COQ5: variants seen among roughly 807,000 people sequenced by gnomAD.
The protein encoded by COQ5 is coenzyme Q5, methyltransferase.
Under a neutral mutation model 40.5 loss-of-function variants are expected in COQ5, and 27 were observed. That is an observed-to-expected ratio of 0.67 (90% confidence interval 0.49 to 0.92). The LOEUF (loss-of-function observed/expected upper bound fraction) is 0.92, where lower values mean the gene tolerates loss of function less well. COQ5 is among the 40% of genes least tolerant of loss of function. The pLI is 0.00. For synonymous variants in COQ5, 141 were observed against 150.0 expected (o/e 0.94, Z 0.44); for missense variants, 409 against 406.4 (o/e 1.01, Z -0.06).
At chr12:120,513,395 C>T (rs377543218) in intron 3 of COQ5, among the ~76,000 whole-genome samples, 4 of 149,866 alleles carry the variant, frequency 2.7e-5, no homozygotes, top group East Asian at 2.1e-4. Context: ...CCAGCTGCTG[C>T]GGAGGCTGAG....
intron 2 of COQ5, among the ~76,000 whole-genome samples, chr12:120,521,488 C>T (rs920282862): frequency 6.6e-6 from 1 of 150,556 alleles, no homozygotes; most frequent in Non-Finnish European, 1.5e-5. Context: ...CCAGCCAGGC[C>T]AAGATGGTGG....
chr12:120,518,426 CAAAA>C (rs1216184668), intron 2 of COQ5, among the ~76,000 whole-genome samples: 4 of 71,476 alleles, frequency 5.6e-5, no homozygotes, highest in East Asian at 4.7e-4. Flanking sequence ...AGACCGTTTC[CAAAA>C]AAAAAAAAAA....
In COQ5 at chr12:120,529,018, G is replaced by A; in HGVS notation, c.124C>T (p.Leu42Phe). Residue 42 changes from leucine (L) to phenylalanine (F), a missense_variant, in exon 1 of 7, where the codon CTC becomes TTC. Coordinates refer to ENST00000288532, the MANE Select transcript of COQ5 (RefSeq NM_032314.4). Reference protein sequence around the residue: ...SWPGDLLSARLLSQEKRAAET... With the variant: ...SWPGDLLSARFLSQEKRAAET... ...GCTGCCCGCTTCTCTTGGGACAAGA[G>A]CCGAGCACTTAGTAGGTCCCCGGGC... 4 of 1,614,056 alleles carry A rather than the reference G, an allele frequency of 2.5e-6. No individual in the cohort carries two copies. The highest frequency in any genetic ancestry group is 3.4e-6 in the Non-Finnish European group (4 of 1,180,030).
At chr12:120,513,501 C>CAA (rs553219611) in intron 3 of COQ5, among the ~76,000 whole-genome samples, 6 of 62,050 alleles carry the variant, frequency 9.7e-5, no homozygotes, top group Admixed American at 1.8e-4. Context: ...GACTCCGTCT[C>CAA]AAAAAAAAAA....
chr12:120,522,922 T>C, intron 1 of COQ5: 1 of 689,464 alleles, frequency 1.5e-6, no homozygotes, highest in Admixed American at 2.1e-5. Context: ...GCACGTGCAC[T>C]CGTGGCCCTG....
chr12:120,521,601 G>A (rs189523960), intron 2 of COQ5, among the ~76,000 whole-genome samples: 5 of 151,540 alleles, frequency 3.3e-5, no homozygotes, highest in Admixed American at 2.6e-4. Flanking sequence ...CTTGAACCCC[G>A]GAGGTGGAGG....
intron 1 of COQ5, chr12:120,523,982 C>T: frequency 2.8e-6 from 1 of 361,112 alleles, no homozygotes; most frequent in African/African-American, 2.2e-5. Context: ...TGCATTCCAG[C>T]CTGGGCGACA....
At chr12:120,523,500 G>T in intron 1 of COQ5, 1 of 266,882 alleles carries the variant, frequency 3.7e-6, no homozygotes, top group South Asian at 4.3e-5. Flanking sequence ...AGTCGTGGAT[G>T]GCATCACATT....
At chr12:120,515,020 G>T (rs1014015953) in intron 3 of COQ5, among the ~76,000 whole-genome samples, 2 of 151,992 alleles carry the variant, frequency 1.3e-5, no homozygotes, top group Admixed American at 1.3e-4. Flanking sequence ...TCGAACTCCA[G>T]ACCTCAGGGG....
At chr12:120,515,040 C>T (rs138346410) in intron 3 of COQ5, among the ~76,000 whole-genome samples, 3 of 152,062 alleles carry the variant, frequency 2.0e-5, no homozygotes, top group Admixed American at 6.6e-5. Flanking sequence ...GATCCACCCC[C>T]CCTCGGCCTC....
chr12:120,523,503 A>T (rs1269830495), intron 1 of COQ5: 6 of 263,188 alleles, frequency 2.3e-5, no homozygotes, highest in Non-Finnish European at 4.4e-5. Flanking sequence ...CGTGGATGGC[A>T]TCACATTACC....
In COQ5 at chr12:120,521,993, A is replaced by G. The variant is rs1869683520; in HGVS notation, c.352+221T>C. ...GCCTGGGCGACAGAGTGAGACTCCT[A>G]TCTCAAAAAAAAAAAAGTGACAGGC... On this transcript the variant is annotated intron_variant, in intron 2 of 6. Coordinates refer to ENST00000288532, the MANE Select transcript of COQ5 (RefSeq NM_032314.4). 2.0e-5 allele frequency among the ~76,000 whole-genome samples: 3 copies of G among 152,066 alleles called. No homozygotes were observed. In the South Asian group the frequency reaches 6.2e-4, roughly 32 times the overall value.
chr12:120,520,109 T>C (rs368060969), intron 2 of COQ5, among the ~76,000 whole-genome samples: 1 of 151,422 alleles, frequency 6.6e-6, no homozygotes, highest in Non-Finnish European at 1.5e-5. Context: ...TATTACATTA[T>C]ATATTATTCT....
chr12:120,527,093 C>G (rs1488200736), intron 1 of COQ5: 1 of 150,242 alleles, frequency 6.7e-6, no homozygotes, highest in East Asian at 2.0e-4. Context: ...AATTTTTTTT[C>G]TTTGTTTTTG....
At chr12:120,506,596 A>C (rs1463890441) in intron 4 of COQ5, among the ~76,000 whole-genome samples, 2 of 151,900 alleles carry the variant, frequency 1.3e-5, no homozygotes, top group Non-Finnish European at 2.9e-5. Context: ...TGAACTAGAG[A>C]CTTCAGGTGA....
Position 120,528,946 on chromosome 12 carries a change from C to T in COQ5, c.196G>A (p.Gly66Ser). The change falls in exon 1 of 7, where the codon GGC becomes AGC. Residue 66 changes from glycine to serine, a missense_variant. By Grantham distance (56) the Gly-to-Ser change is moderately conservative. Coordinates refer to ENST00000288532, the MANE Select transcript of COQ5 (RefSeq NM_032314.4). Reference sequence around the variant, plus strand: ...GCCCTCTCGCCCCTTTCACCTTTGCCCCCCTTCTCCTCTTCCGACACAGTC... The same window carrying T: ...GCCCTCTCGCCCCTTTCACCTTTGCTCCCCTTCTCCTCTTCCGACACAGTC... Reference protein sequence around the residue: ...FETVSEEEKGGKVYQVFESVA... With the variant: ...FETVSEEEKGSKVYQVFESVA... 1.2e-6 allele frequency: 2 copies of T among 1,614,130 alleles called. No individual in the cohort carries two copies. The highest frequency in any genetic ancestry group is 4.5e-5 in the East Asian group (2 of 44,890).
At chr12:120,515,525 G>A (rs945873331) in intron 3 of COQ5, among the ~76,000 whole-genome samples, 2 of 152,222 alleles carry the variant, frequency 1.3e-5, no homozygotes, top group African/African-American at 2.4e-5. Context: ...TACTGTTCAC[G>A]AGTGTTTCTT....
chr12:120,521,538 T>C (rs755681262), intron 2 of COQ5, among the ~76,000 whole-genome samples: 3 of 151,904 alleles, frequency 2.0e-5, no homozygotes, highest in Non-Finnish European at 4.4e-5. Context: ...TAGCCAGGCG[T>C]GGTGGTGCAT....
chr12:120,516,402 A>G (rs1869374213), intron 3 of COQ5, among the ~76,000 whole-genome samples, 165 bp downstream of exon 3: 1 of 152,128 alleles, frequency 6.6e-6, no homozygotes, highest in African/African-American at 2.4e-5. Flanking sequence ...TACATAATGC[A>G]TATAACAGCA....
Sources: allele counts gnomAD v4.1 joint callset (sites outside exome capture counted in the v4.1 genomes callset), GRCh38; gene constraint gnomAD v4.1.1; transcripts MANE v1.5; gene names NCBI Gene and HGNC (gene_info 2026-07-23, HGNC 2026-07-21).